ODAD3: variants seen among roughly 807,000 people sequenced by gnomAD.
The protein encoded by ODAD3 is outer dynein arm-docking complex subunit 3.
A neutral mutation model predicts 70.9 loss-of-function variants in ODAD3; 57 were observed. The ratio of observed to expected loss-of-function variants is 0.80; its 90% CI spans 0.65 to 1.00. ODAD3 has a LOEUF of 1.00. ODAD3 is among the 50% of genes least tolerant of loss of function. The pLI is 0.00. For missense variants in ODAD3, 797 were observed against 763.9 expected, an observed-to-expected ratio of 1.04 and a Z score of -0.51; for synonymous variants, 327 against 315.9, an observed-to-expected ratio of 1.04 and a Z score of -0.37.
At chr19:11,424,332 C>T (rs1037397681) in intron 7 of ODAD3, among the ~76,000 whole-genome samples, 4 of 151,608 alleles carry the variant, frequency 2.6e-5, no homozygotes, top group Non-Finnish European at 4.4e-5. Flanking sequence ...GGCGAGACCC[C>T]GTCTCTACAA....
In ODAD3 at chr19:11,430,889, T is replaced by G. The variant is rs1599466761; in HGVS notation, c.366+10A>C. 6.2e-7 allele frequency: 1 copy of G among 1,614,038 alleles called. No homozygotes were observed. The highest frequency in any genetic ancestry group is 1.3e-5 in the African/African-American group (1 of 75,016). ...CACGGGAACCCTACACCCACCCCTT[T>G]GCCCCTTACCTTGAGCAGGTCCAGC... On this transcript the variant is annotated intron_variant, in intron 2 of 12. Transcript: ENST00000356392.
At position 11,435,032 on chromosome 19, in the gene ODAD3, G is replaced by T. The variant is rs572974169; in HGVS notation, c.-16C>A. 2 of 1,603,468 alleles carry T rather than the reference G, an allele frequency of 1.2e-6. No individual in the cohort carries two copies. The highest frequency in any genetic ancestry group is 4.5e-5 in the East Asian group (2 of 44,798). On this transcript the variant is annotated 5_prime_UTR_variant, in exon 1 of 13. Transcript: ENST00000356392. ...GAGATGTCATGATGGGGTTGGGGCTGAAGGCCCCTAGGGGTTAGGGGGATA... is the reference window on the plus strand; with the variant it reads ...GAGATGTCATGATGGGGTTGGGGCTTAAGGCCCCTAGGGGTTAGGGGGATA...
chr19:11,424,022 C>T lies in ODAD3; in HGVS notation c.971G>A (p.Arg324His). 2 of 1,608,692 alleles carry T rather than the reference C, an allele frequency of 1.2e-6. No homozygotes were observed. Among genetic ancestry groups the T allele is most frequent in the South Asian group, 2.2e-5 (2 of 91,060 alleles). ...ENERMERKTH[R>H]EHLLLQSDDT... Reference sequence around the variant, plus strand: ...GTCGGACTGTAGCAGCAGGTGCTCGCGGTGGGTCTGCTCGTGGGTTGAGGT... The same window carrying T: ...GTCGGACTGTAGCAGCAGGTGCTCGTGGTGGGTCTGCTCGTGGGTTGAGGT... Residue 324 changes from arginine to histidine, a missense_variant, in exon 8 of 13, where the codon CGC (arginine) becomes CAC (histidine). Transcript: ENST00000356392.
chr19:11,426,660 A>G (rs1281112972), intron 5 of ODAD3, 23 bp downstream of exon 5: 1 of 1,613,160 alleles, frequency 6.2e-7, no homozygotes, highest in South Asian at 1.1e-5. Context: ...TTGTCATCTC[A>G]CCCGAGCCCT....
At position 11,426,717 on chromosome 19, in the gene ODAD3, G is replaced by A. The variant is rs1371417170; in HGVS notation, c.680C>T (p.Thr227Ile). Residue 227 changes from threonine (T) to isoleucine (I), a missense_variant, in exon 5 of 13, where the codon ACC becomes ATC. By Grantham distance (89) the Thr-to-Ile change is moderately conservative. Coordinates refer to ENST00000356392, the MANE Select transcript of ODAD3 (RefSeq NM_145045.5). ...GGCCTTGAGCTGCAGGTACACGCTGGTAATGTGCTCGGCCTCCTGCGCCTT... is the reference window on the plus strand; with the variant it reads ...GGCCTTGAGCTGCAGGTACACGCTGATAATGTGCTCGGCCTCCTGCGCCTT... Reference protein sequence around the residue: ...QMKAQEAEHITSVYLQLKAYL... With the variant: ...QMKAQEAEHIISVYLQLKAYL... The A allele has an allele frequency of 3.1e-6, 5 of 1,613,788 alleles. No homozygotes were observed. The highest frequency in any genetic ancestry group is 3.4e-6 in the Non-Finnish European group (4 of 1,179,888).
intron 1 of ODAD3, among the ~76,000 whole-genome samples, chr19:11,433,124 C>T (rs976638628): frequency 2.6e-5 from 4 of 152,126 alleles, no homozygotes; most frequent in African/African-American, 7.2e-5. Context: ...TCAACAAAAG[C>T]AATAATAATA....
intron 4 of ODAD3, 38 bp from the exon 5 acceptor site, chr19:11,426,822 C>G: frequency 6.2e-7 from 1 of 1,613,264 alleles, no homozygotes; most frequent in African/African-American, 1.3e-5. Flanking sequence ...GCCCTCCGCA[C>G]TCAATCCCTC....
intron 7 of ODAD3, among the ~76,000 whole-genome samples, chr19:11,425,571 GTA>G (rs1969340238): frequency 3.5e-3 from 442 of 125,508 alleles, no homozygotes; most frequent in African/African-American, 0.017. Context: ...ATGTGTGTAT[GTA>G]TGTATATATG....
At chr19:11,425,011 G>T (rs1313355078) in intron 7 of ODAD3, among the ~76,000 whole-genome samples, 1 of 131,810 alleles carries the variant, frequency 7.6e-6, no homozygotes, top group Non-Finnish European at 1.5e-5. Context: ...ATGTATATAT[G>T]TGTATATATA....
Position 11,426,128 on chromosome 19 carries a change from C to A in ODAD3, c.963+16G>T, listed in dbSNP as rs1969366212. 1 of 1,601,716 alleles carries A rather than the reference C, an allele frequency of 6.2e-7. No individual in the cohort carries two copies. On this transcript the variant is annotated intron_variant, in intron 7 of 12. Coordinates refer to ENST00000356392, the MANE Select transcript of ODAD3 (RefSeq NM_145045.5). ...CTGGGCTGGAGTCACAGGCGCGCAC[C>A]CCTGGGTGCGCCCACCTTGCGCTCC...
Position 11,421,112 on chromosome 19 carries a change from C to T in ODAD3, c.1675+16G>A. ...GGGCCCCAACCGCACCCCTTCATCC[C>T]CCCACCCATACTGACCAAAAAACTT... is the stretch of plus-strand genomic sequence containing the variant. On this transcript the variant is annotated intron_variant, in intron 12 of 12. Coordinates refer to ENST00000356392, the MANE Select transcript of ODAD3 (RefSeq NM_145045.5). The T allele has an allele frequency of 1.2e-6, 2 of 1,613,034 alleles. No individual in the cohort carries two copies. Among genetic ancestry groups the T allele is most frequent in the South Asian group, 2.2e-5 (2 of 90,920 alleles).
intron 3 of ODAD3, among the ~76,000 whole-genome samples, chr19:11,430,134 TTTTTA>T (rs1472408857): frequency 6.6e-6 from 1 of 152,076 alleles, no homozygotes; most frequent in Non-Finnish European, 1.5e-5. Flanking sequence ...TTTTTAATTA[TTTTTA>T]TTTTATTTAT....
chr19:11,422,426 C>T lies in ODAD3; in HGVS notation c.1434+45G>A, dbSNP rs564480329. The stretch of plus-strand genomic sequence containing the variant: ...ACCCCGCTTCGTGGCTGCGCCTCTG[C>T]GGTCCCAGGAGGGCCTGTCGGGGCT... On this transcript the variant is annotated intron_variant, in intron 10 of 12. Transcript: ENST00000356392. The surrounding 1 kb of genome is among the most constrained non-coding windows in gnomAD (Gnocchi z 4.6). The T allele has an allele frequency of 2.0e-6, 3 of 1,486,812 alleles. No individual in the cohort carries two copies. The highest frequency in any genetic ancestry group is 2.4e-5 in the Admixed American group (1 of 41,928). 92.1% of individuals were successfully genotyped at this position (1,486,812 alleles called of 1,614,324 possible). A position where few individuals can be genotyped will look rare whatever the true frequency, so the allele number is the denominator to read the frequency against.
At chr19:11,421,103 C>G (rs1476257953) in intron 12 of ODAD3, 25 bp downstream of exon 12, 1 of 1,611,846 alleles carries the variant, frequency 6.2e-7, no homozygotes, top group African/African-American at 1.3e-5. Flanking sequence ...CAACCGCACC[C>G]CTTCATCCCC....
At chr19:11,430,510 C>CT (rs1969479819) in intron 3 of ODAD3, 189 bp downstream of exon 3, 2 of 615,750 alleles carry the variant, frequency 3.2e-6, no homozygotes, top group African/African-American at 1.8e-5. Context: ...ACTTGGTCTG[C>CT]TTTTTCACTG....
intron 8 of ODAD3, among the ~76,000 whole-genome samples, chr19:11,423,425 C>T (rs144457094): frequency 0.052 from 7,976 of 152,204 alleles, 243 homozygotes; most frequent in Middle Eastern, 0.092. Context: ...GGGGACACAG[C>T]GGTCTTAGAA....
At position 11,425,158 on chromosome 19, in the gene ODAD3, TAC is replaced by T. The variant is rs1215763735; in HGVS notation, c.963+984_963+985del. Among the ~76,000 whole-genome samples the T allele has an allele frequency of 6.7e-5, 9 of 134,408 alleles. 1 individual carries two copies. The highest frequency in any genetic ancestry group is 3.6e-4 in the Admixed American group (5 of 13,896). The allele number at this position is 134,408 out of a possible 152,430, so 88.2% of individuals were successfully genotyped here. A position where few individuals can be genotyped will look rare whatever the true frequency, so the allele number is the denominator to read the frequency against. On this transcript the variant is annotated intron_variant, in intron 7 of 12. Coordinates refer to ENST00000356392, the MANE Select transcript of ODAD3 (RefSeq NM_145045.5). The stretch of plus-strand genomic sequence containing the variant: ...ATGTGTATATGTACATATGTATATA[TAC>T]ATATGTGTATATGTACATATGTGTA...
Position 11,421,669 on chromosome 19 carries a change from C to T in ODAD3, c.1590+8G>A, listed in dbSNP as rs751113796. ...TCTCTGGAGCTCTGCCCCATGGCTG[C>T]AGGGCACCTCGCGGTTAGCGATGTG... is the stretch of plus-strand genomic sequence containing the variant. On this transcript the variant is annotated splice_region_variant and intron_variant, in intron 11 of 12. Coordinates refer to ENST00000356392, the MANE Select transcript of ODAD3 (RefSeq NM_145045.5). 10 of 1,610,026 alleles carry T rather than the reference C, an allele frequency of 6.2e-6. No individual in the cohort carries two copies. Among genetic ancestry groups the T allele is most frequent in the Non-Finnish European group, 6.8e-6 (8 of 1,178,070 alleles).
At chr19:11,424,970 T>C (rs1244264268) in intron 7 of ODAD3, among the ~76,000 whole-genome samples, 1 of 127,586 alleles carries the variant, frequency 7.8e-6, no homozygotes, top group African/African-American at 3.6e-5. Context: ...TGTGTATATA[T>C]GTATATATGT....
Sources: gnomAD v4.1 joint callset for allele counts (sites outside exome capture counted in the v4.1 genomes callset) on GRCh38, gnomAD v4.1.1 for gene constraint, Gnocchi (gnomAD v3.1) non-coding constraint, MANE v1.5 for transcripts, NCBI Gene and HGNC (gene_info 2026-07-23, HGNC 2026-07-21) for gene names.